Variants in ZNF611 observed in about 807,000 individuals in gnomAD.
ZNF611 encodes zinc finger protein 611.
A neutral mutation model predicts 8.9 loss-of-function variants in ZNF611; 6 were observed. That is an observed-to-expected ratio of 0.68 (90% CI 0.37 to 1.34). The LOEUF (loss-of-function observed/expected upper bound fraction) is 1.34. ZNF611 is among the 40% of genes most tolerant of loss of function. The pLI is 0.02. For missense variants in ZNF611, 874 were observed against 841.3 expected, an observed-to-expected ratio of 1.04 and a Z score of -0.48; for synonymous variants, 262 against 279.7, an observed-to-expected ratio of 0.94 and a Z score of 0.63.
chr19:52,705,376 T>C lies in ZNF611; in HGVS notation c.1679A>G (p.His560Arg), dbSNP rs753938122. ...HSYLAKHTRI[H>R]SGEKPYKCNE... ...ACACTTGTAAGGTTTCTCTCCACTA[T>C]GAATTCTAGTATGTTTTGCCAGATA... Residue 560 changes from histidine (H) to arginine (R), a missense_variant, in exon 6 of 6, where the codon CAT becomes CGT. His to Arg is a conservative substitution (Grantham distance 29). Transcript: ENST00000652185. 17 of 1,614,048 alleles carry C rather than the reference T, an allele frequency of 1.1e-5. No individual in the cohort carries two copies. Among genetic ancestry groups the C allele is most frequent in the Non-Finnish European group, 1.7e-6 (2 of 1,180,040 alleles).
intron 3 of ZNF611, chr19:52,724,053 G>C (rs538900066): frequency 1.3e-5 from 2 of 152,454 alleles, no homozygotes; most frequent in East Asian, 3.9e-4. Flanking sequence ...AGGAGCAGGA[G>C]ACAGAGGCCT....
chr19:52,707,303 C>T (rs2062252315), intron 5 of ZNF611: 1 of 148,164 alleles, frequency 6.7e-6, no homozygotes, highest in Admixed American at 6.7e-5. Flanking sequence ...GTAAATAATC[C>T]ACAACAAGCT....
At position 52,704,944 on chromosome 19, in the gene ZNF611, T is replaced by C; in HGVS notation, c.2111A>G (p.Lys704Arg). The part of the protein sequence containing the change: ...SRHHRIHTGE[K>R]P ...GTCACATGCTTCACATTTCTAAGGT[T>C]TCTCTCCAGTATGAATTCTATGATG... Residue 704 changes from lysine to arginine, a missense_variant, in exon 6 of 6, where the codon AAA (lysine) becomes AGA (arginine). Transcript: ENST00000652185. 2 of 1,614,104 alleles carry C rather than the reference T, an allele frequency of 1.2e-6. No homozygotes were observed. Among genetic ancestry groups the C allele is most frequent in the Non-Finnish European group, 1.7e-6 (2 of 1,179,970 alleles).
At position 52,705,390 on chromosome 19, in the gene ZNF611, T is replaced by C; in HGVS notation, c.1665A>G (p.Lys555=). 6.2e-7 allele frequency: 1 copy of C among 1,614,086 alleles called. No individual in the cohort carries two copies. The highest frequency in any genetic ancestry group is 2.2e-5 in the East Asian group (1 of 44,852). Residue 555 remains lysine, a synonymous_variant, in exon 6 of 6, where the codon AAA becomes AAG. Transcript: ENST00000652185. ...TCTCTCCACTATGAATTCTAGTATGTTTTGCCAGATAGGAATGACACGCAA... is the reference window on the plus strand; with the variant it reads ...TCTCTCCACTATGAATTCTAGTATGCTTTGCCAGATAGGAATGACACGCAA... ...KAFACHSYLA[K]HTRIHSGEKP... is the part of the protein sequence containing the mutation.
At position 52,717,695 on chromosome 19, in the gene ZNF611, T is replaced by C. The variant is rs371242971; in HGVS notation, c.-19-1782A>G. Reference sequence around the variant, plus strand: ...AATCCAGCCCATCCTTCAACATCTGTAGAGAATATTATGGACCAGAGGGAA... The same window carrying C: ...AATCCAGCCCATCCTTCAACATCTGCAGAGAATATTATGGACCAGAGGGAA... On this transcript the variant is annotated intron_variant, in intron 3 of 5. Transcript: ENST00000652185. The C allele has an allele frequency of 1.5e-4, 151 of 984,556 alleles. 1 individual carries two copies. In the Admixed American group the frequency reaches 1.6e-3, roughly 10 times the overall value. The allele number at this position is 984,556 out of a possible 1,614,324, so 61.0% of individuals were successfully genotyped here.
chr19:52,723,959 C>A (rs901591495), intron 3 of ZNF611: 2 of 152,274 alleles, frequency 1.3e-5, no homozygotes, highest in East Asian at 1.9e-4. Context: ...GCATGTCTCA[C>A]CTACAGCCAT....
At chr19:52,719,921 C>T (rs867572221) in intron 3 of ZNF611, among the ~76,000 whole-genome samples, 2 of 152,312 alleles carry the variant, frequency 1.3e-5, no homozygotes, top group Middle Eastern at 3.4e-3. Context: ...TGCGGCCTTC[C>T]GCAGTGTTTG....
At chr19:52,720,070 A>G (rs1372704628) in intron 3 of ZNF611, among the ~76,000 whole-genome samples, 5 of 152,240 alleles carry the variant, frequency 3.3e-5, no homozygotes, top group African/African-American at 1.2e-4. Context: ...CACGTTTCAG[A>G]GAGCACGGGG....
In ZNF611 at chr19:52,705,653, G is replaced by A; in HGVS notation, c.1402C>T (p.Gln468Ter). Residue 468 changes from glutamine (Q) to a stop codon, truncating the protein, a stop_gained, in exon 6 of 6, where the codon CAA (glutamine) becomes TAA (stop). Coordinates refer to ENST00000652185, the MANE Select transcript of ZNF611 (RefSeq NM_001161499.2). LOFTEE classifies it low-confidence loss of function (END_TRUNC). The part of the protein sequence containing the change: ...VCDKAFVWSS[Q>*]LAKHTRIDCG... ...TCAATTCTAGTATGTTTTGCCAGTT[G>A]TGAACTCCACACAAAAGCCTTGTCA... 1 of 1,611,402 alleles carries A rather than the reference G, an allele frequency of 6.2e-7. No homozygotes were observed. Among genetic ancestry groups the A allele is most frequent in the Non-Finnish European group, 8.5e-7 (1 of 1,179,270 alleles).
chr19:52,703,589 CT>C lies in ZNF611; in HGVS notation c.*1347del, dbSNP rs35920831. The stretch of plus-strand genomic sequence containing the variant: ...CACCACGTACCGAGGCTTTGATATC[CT>C]TTTTTTTTTTTTTTTTTTTGAGATA... On this transcript the variant is annotated 3_prime_UTR_variant, in exon 6 of 6. Transcript: ENST00000652185. 7.8e-3 allele frequency: 878 copies of C among 112,400 alleles called. 7 individuals are homozygous for C. The highest frequency in any genetic ancestry group is 0.023 in the Middle Eastern group (4 of 176). 7.0% of individuals were successfully genotyped at this position (112,400 alleles called of 1,614,324 possible).
In ZNF611 at chr19:52,706,176, G is replaced by C. The variant is rs774970232; in HGVS notation, c.879C>G (p.Gly293=). 3 of 1,614,012 alleles carry C rather than the reference G, an allele frequency of 1.9e-6. No homozygotes were observed. The African/African-American group carries it at 4.0e-5, about 22-fold the overall frequency. The change falls in exon 6 of 6, where the codon GGC becomes GGG. Residue 293 remains glycine (G), a synonymous_variant. Coordinates refer to ENST00000652185, the MANE Select transcript of ZNF611 (RefSeq NM_001161499.2). ...VEKPYKCKEC[G]KTFSQESSLT... ...GGGATGACTCCTGACTGAAGGTCTT[G>C]CCACACTCTTTACACTTGTAAGGTT...
At chr19:52,713,052 C>T (rs1332635754) in intron 5 of ZNF611, among the ~76,000 whole-genome samples, 1 of 152,042 alleles carries the variant, frequency 6.6e-6, no homozygotes, top group Non-Finnish European at 1.5e-5. Flanking sequence ...AAAAATTAGT[C>T]GGGTGTGGTG....
intron 1 of ZNF611, among the ~76,000 whole-genome samples, chr19:52,734,077 T>C (rs11084190): frequency 0.64 from 96,087 of 151,080 alleles, 30,814 homozygotes; most frequent in African/African-American, 0.72. Context: ...CTCTGATGAG[T>C]CTCCCTCTTT....
chr19:52,718,510 G>A (rs925740580), intron 3 of ZNF611, among the ~76,000 whole-genome samples: 4 of 151,744 alleles, frequency 2.6e-5, no homozygotes, highest in South Asian at 4.2e-4. Flanking sequence ...CAAAAAAACA[G>A]AAATTAAAGG....
chr19:52,727,672 G>C (rs1331738453), intron 3 of ZNF611, among the ~76,000 whole-genome samples: 2 of 152,112 alleles, frequency 1.3e-5, no homozygotes, highest in African/African-American at 4.8e-5. Flanking sequence ...GACCTCAAGT[G>C]ATCTGCCCAC....
intron 3 of ZNF611, chr19:52,724,390 A>C (rs1414715622): frequency 6.6e-6 from 1 of 152,486 alleles, no homozygotes; most frequent in African/African-American, 2.4e-5. Context: ...TCAACACAGC[A>C]CATGTTTCTG....
chr19:52,727,686 G>A (rs2062401170), intron 3 of ZNF611, among the ~76,000 whole-genome samples: 1 of 152,100 alleles, frequency 6.6e-6, no homozygotes, highest in South Asian at 2.1e-4. Flanking sequence ...TGCCCACCTT[G>A]GCATATCAAT....
At chr19:52,720,713 C>T (rs372294085) in intron 3 of ZNF611, among the ~76,000 whole-genome samples, 7 of 148,620 alleles carry the variant, frequency 4.7e-5, no homozygotes, top group Non-Finnish European at 7.4e-5. Context: ...ATGGCGTGGC[C>T]GGGCAGAGGC....
At position 52,705,772 on chromosome 19, in the gene ZNF611, CATTTAT is replaced by C. The variant is rs764246904; in HGVS notation, c.1277_1282del (p.Tyr426_Lys427del). The C allele has an allele frequency of 2.0e-5, 33 of 1,613,950 alleles. No homozygotes were observed. Among genetic ancestry groups the C allele is most frequent in the South Asian group, 3.3e-5 (3 of 91,060 alleles). On this transcript the variant is annotated inframe_deletion, in exon 6 of 6. Coordinates refer to ENST00000652185, the MANE Select transcript of ZNF611 (RefSeq NM_001161499.2). ...ACTGAAGGTCTTGCCACACTCATTACATTTATAAGTTTTCTTTGCAGTATGAATTCT... is the reference window on the plus strand; with the variant it reads ...ACTGAAGGTCTTGCCACACTCATTACAAGTTTTCTTTGCAGTATGAATTCT...
Sources: gnomAD v4.1 joint callset for allele counts (sites outside exome capture counted in the v4.1 genomes callset) on GRCh38, gnomAD v4.1.1 for gene constraint, MANE v1.5 for transcripts, NCBI Gene and HGNC (gene_info 2026-07-23, HGNC 2026-07-21) for gene names.